SLC66A3: variants seen among roughly 807,000 people sequenced by gnomAD.
SLC66A3 encodes solute carrier family 66 member 3.
SLC66A3 carries 23 observed loss-of-function variants against 25.5 expected under a neutral mutation model. The ratio of observed to expected loss-of-function variants is 0.90; its 90% CI spans 0.65 to 1.28. SLC66A3 has a LOEUF of 1.28. Ranked by LOEUF, SLC66A3 falls within the 50% of genes most tolerant of loss-of-function variation. The pLI is 0.00. For synonymous variants in SLC66A3, 108 were observed against 112.6 expected (o/e 0.96, Z 0.26); for missense variants, 246 against 262.1 (o/e 0.94, Z 0.42).
chr2:11,160,969 C>T, intron 3 of SLC66A3: 1 of 568,608 alleles, frequency 1.8e-6, no homozygotes, highest in East Asian at 3.0e-5. Context: ...GCAGCATCGT[C>T]CAACTGCATT....
Position 11,177,745 on chromosome 2 carries a change from C to A in SLC66A3, c.526C>A (p.Arg176Ser). ...TTTTTTTTTTATTTCAGTTCTTCTA[C>A]GTTTTGTGATCATGCTGGCTTTAAA... ...MTTNDFTILL[R>S]FVIMLALNIW... Residue 176 changes from arginine to serine, a missense_variant, in exon 7 of 7, where the codon CGT (arginine) becomes AGT (serine). Coordinates refer to ENST00000295083, the MANE Select transcript of SLC66A3 (RefSeq NM_152391.5). 1.2e-6 allele frequency: 2 copies of A among 1,604,124 alleles called. No individual in the cohort carries two copies. Among genetic ancestry groups the A allele is most frequent in the Admixed American group, 3.4e-5 (2 of 59,696 alleles).
Position 11,155,589 on chromosome 2 carries a change from GGC to G in SLC66A3, c.45_46del (p.Cys17ArgfsTer70), listed in dbSNP as rs1306047593. ...LLGLCNWSTL[G>X]VCAALKLPQI... is the part of the protein sequence containing the mutation. ...GGGGCTGTGTAACTGGAGCACGCTG[GGC>G]GTGTGCGCCGCGCTGAAGCTGCCGC... On this transcript the variant is annotated frameshift_variant, in exon 1 of 7. Coordinates refer to ENST00000295083, the MANE Select transcript of SLC66A3 (RefSeq NM_152391.5). LOFTEE classifies it high-confidence loss of function. 6.6e-7 allele frequency: 1 copy of G among 1,517,126 alleles called. No individual in the cohort carries two copies. The highest frequency in any genetic ancestry group is 8.8e-7 in the Non-Finnish European group (1 of 1,142,400). The allele number at this position is 1,517,126 out of a possible 1,614,324, so 94.0% of individuals were successfully genotyped here.
chr2:11,156,658 A>T (rs1392856363), intron 1 of SLC66A3, among the ~76,000 whole-genome samples: 2 of 151,936 alleles, frequency 1.3e-5, no homozygotes, highest in Non-Finnish European at 2.9e-5. Context: ...GGCCCTATGG[A>T]GCCCGGCCCT....
chr2:11,175,538 G>A lies in SLC66A3; in HGVS notation c.517+529G>A, dbSNP rs187689228. Reference sequence around the variant, plus strand: ...GGAGAGCAGGGGGACAGTGACAAGCGGGTTTCAGGAGAGGAAGGATGCGAG... The same window carrying A: ...GGAGAGCAGGGGGACAGTGACAAGCAGGTTTCAGGAGAGGAAGGATGCGAG... On this transcript the variant is annotated intron_variant, in intron 6 of 6. Coordinates refer to ENST00000295083, the MANE Select transcript of SLC66A3 (RefSeq NM_152391.5). Among the ~76,000 whole-genome samples the A allele has an allele frequency of 3.4e-4, 52 of 152,328 alleles. 1 individual carries two copies. The East Asian group carries it at 8.1e-3, about 24-fold the overall frequency.
chr2:11,171,397 A>T (rs550123703), intron 4 of SLC66A3, among the ~76,000 whole-genome samples: 1 of 152,278 alleles, frequency 6.6e-6, no homozygotes, highest in South Asian at 2.1e-4. Flanking sequence ...GTACAAATCC[A>T]TTATTATTTT....
intron 6 of SLC66A3, among the ~76,000 whole-genome samples, chr2:11,177,454 C>A (rs1405151103): frequency 1.4e-5 from 2 of 143,244 alleles, no homozygotes; most frequent in Non-Finnish European, 3.0e-5. Flanking sequence ...GCAAGACTGT[C>A]TCAAAAAAAA....
chr2:11,160,573 G>A lies in SLC66A3; in HGVS notation c.226+25G>A, dbSNP rs376233357. 210 of 1,613,974 alleles carry A rather than the reference G, an allele frequency of 1.3e-4. 2 individuals are homozygous for A. Among genetic ancestry groups the A allele is most frequent in the South Asian group, 7.6e-4 (69 of 91,078 alleles). On this transcript the variant is annotated intron_variant, in intron 2 of 6. Coordinates refer to ENST00000295083, the MANE Select transcript of SLC66A3 (RefSeq NM_152391.5). Reference sequence around the variant, plus strand: ...GGTAACAGCCCCTTCCCTGTCCAGCGGACTGCCACGGGTCTCCCCTTCCCC... The same window carrying A: ...GGTAACAGCCCCTTCCCTGTCCAGCAGACTGCCACGGGTCTCCCCTTCCCC...
chr2:11,168,282 G>GAA (rs776255689), intron 4 of SLC66A3, among the ~76,000 whole-genome samples: 6 of 130,166 alleles, frequency 4.6e-5, no homozygotes, highest in Non-Finnish European at 8.3e-5. Context: ...GACTCTGTCT[G>GAA]AAAAAAAAAA....
rs1662687748 is a variant in SLC66A3 at position 11,174,997 on chromosome 2, A to G, written c.505A>G (p.Asn169Asp). Residue 169 changes from asparagine to aspartate, a missense_variant, in exon 6 of 7, where the codon AAT (asparagine) becomes GAT (aspartate). By Grantham distance (23) the Asn-to-Asp change is conservative. Around this residue, in one of 3 missense-constraint regions of SLC66A3, gnomAD observed 93 missense variants for 102.6 expected, o/e 0.91. Coordinates refer to ENST00000295083, the MANE Select transcript of SLC66A3 (RefSeq NM_152391.5). ...AATAATCACAACCTTAATGACCACC[A>G]ATGATTTTACAAGTAAGCAAAATAT... ...TRIITTLMTT[N>D]DFTILLRFVI... 6.2e-7 allele frequency: 1 copy of G among 1,608,686 alleles called. No homozygotes were observed. The highest frequency in any genetic ancestry group is 1.3e-5 in the African/African-American group (1 of 74,768).
At chr2:11,168,141 C>T (rs1225907132) in intron 4 of SLC66A3, among the ~76,000 whole-genome samples, 5 of 152,000 alleles carry the variant, frequency 3.3e-5, no homozygotes, top group Non-Finnish European at 4.4e-5. Context: ...AAAAATTAGC[C>T]GGGTGTGGTG....
intron 6 of SLC66A3, 103 bp downstream of exon 6, chr2:11,175,112 G>A: frequency 1.2e-6 from 1 of 826,548 alleles, no homozygotes; most frequent in Non-Finnish European, 1.9e-6. Flanking sequence ...TGGCTCTGTT[G>A]GATTATAGAT....
chr2:11,171,576 C>CTT (rs200627319), intron 4 of SLC66A3, among the ~76,000 whole-genome samples: 3 of 149,768 alleles, frequency 2.0e-5, no homozygotes, highest in African/African-American at 7.4e-5. Context: ...TGCTCTTTTG[C>CTT]TTTTTTTTTG....
intron 4 of SLC66A3, among the ~76,000 whole-genome samples, chr2:11,170,269 T>TCAC (rs1662502439): frequency 6.6e-6 from 1 of 152,208 alleles, no homozygotes; most frequent in Non-Finnish European, 1.5e-5. Context: ...CCCAGGTGAC[T>TCAC]GCACTAGCCT....
intron 1 of SLC66A3, among the ~76,000 whole-genome samples, chr2:11,157,969 C>T (rs1375167985): frequency 6.6e-6 from 1 of 152,166 alleles, no homozygotes; most frequent in Non-Finnish European, 1.5e-5. Context: ...GGACTGCGGC[C>T]CTCCCACGGT....
chr2:11,174,173 G>A (rs1390677735), intron 5 of SLC66A3, among the ~76,000 whole-genome samples: 2 of 152,102 alleles, frequency 1.3e-5, no homozygotes, highest in Non-Finnish European at 2.9e-5. Context: ...GGTCAGGCTG[G>A]TCTCGAACTT....
At position 11,162,587 on chromosome 2, in the gene SLC66A3, T is replaced by C. The variant is rs936000093; in HGVS notation, c.297-1617T>C. On this transcript the variant is annotated intron_variant, in intron 3 of 6. Transcript: ENST00000295083. ...CGAAAGAATAGGGTTACCATATTAA[T>C]GAATACTTTTATTTTTATTTTATTT... Among the ~76,000 whole-genome samples the C allele has an allele frequency of 2.6e-5, 4 of 152,284 alleles. No homozygotes were observed. In the East Asian group the frequency reaches 7.7e-4, roughly 29 times the overall value.
chr2:11,172,025 T>G lies in SLC66A3; in HGVS notation c.455T>G (p.Leu152Arg). The change falls in exon 5 of 7, where the codon CTC (leucine) becomes CGC (arginine). Residue 152 changes from leucine (L) to arginine (R), a missense_variant. Around this residue, in one of 3 missense-constraint regions of SLC66A3, gnomAD observed 93 missense variants for 102.6 expected, o/e 0.91. Transcript: ENST00000295083. ...SGTVSALTWS[L>R]SSYTCATRII... The stretch of plus-strand genomic sequence containing the variant: ...ACTGTGAGTGCGCTGACTTGGAGCC[T>G]CTCTTCCTATACCTGTGCAAGTAAG... 4 of 1,614,016 alleles carry G rather than the reference T, an allele frequency of 2.5e-6. No homozygotes were observed. The highest frequency in any genetic ancestry group is 3.4e-6 in the Non-Finnish European group (4 of 1,179,944).
chr2:11,160,518 T>C lies in SLC66A3; in HGVS notation c.196T>C (p.Tyr66His). 1 of 1,614,176 alleles carries C rather than the reference T, an allele frequency of 6.2e-7. No individual in the cohort carries two copies. The highest frequency in any genetic ancestry group is 8.5e-7 in the Non-Finnish European group (1 of 1,180,050). Residue 66 changes from tyrosine (Y) to histidine (H), a missense_variant, in exon 2 of 7, where the codon TAC becomes CAC. Coordinates refer to ENST00000295083, the MANE Select transcript of SLC66A3 (RefSeq NM_152391.5). The stretch of plus-strand genomic sequence containing the variant: ...TTACTATGGGTATCCGCCGCTGACC[T>C]ACCTGGAGTACCCCATCCTCATCGC... ...QCYYGYPPLTYLEYPILIAQD... is the reference protein window; with the variant it reads ...QCYYGYPPLTHLEYPILIAQD...
At chr2:11,165,312 G>A (rs532186193) in intron 4 of SLC66A3, among the ~76,000 whole-genome samples, 4 of 147,672 alleles carry the variant, frequency 2.7e-5, no homozygotes, top group Admixed American at 6.7e-5. Context: ...ACTGGGCGGC[G>A]GGGCAGAGGC....
Sources: gnomAD v4.1 joint callset for allele counts (sites outside exome capture counted in the v4.1 genomes callset) on GRCh38, gnomAD v4.1.1 for gene constraint, gnomAD v4.1.1 regional missense constraint, MANE v1.5 for transcripts, NCBI Gene and HGNC (gene_info 2026-07-23, HGNC 2026-07-21) for gene names.